PREX1: variants seen among roughly 807,000 people sequenced by gnomAD.
PREX1 encodes the protein phosphatidylinositol-3,4,5-trisphosphate dependent Rac exchange factor 1, also known as phosphatidylinositol 3,4,5-trisphosphate-dependent Rac exchanger 1 protein.
A neutral mutation model predicts 198.3 loss-of-function variants in PREX1; 41 were observed. That is an observed-to-expected ratio of 0.21 (90% CI 0.16 to 0.27). PREX1 has a LOEUF of 0.27. PREX1 is among the 10% of genes least tolerant of loss of function. The pLI, the probability that PREX1 is intolerant of heterozygous loss-of-function variation, is 1.00. For missense variants in PREX1, 1,620 were observed against 2,200.7 expected (o/e 0.74, Z 5.28); for synonymous variants, 843 against 887.2 (o/e 0.95, Z 0.89).
rs2123014471 is a variant in PREX1, at chr20:48,679,693, G to A, written c.1497C>T (p.Gly499=). The change falls in exon 12 of 40, where the codon GGC becomes GGT. Residue 499 remains glycine (G), a synonymous_variant. Coordinates refer to ENST00000371941, the MANE Select transcript of PREX1 (RefSeq NM_020820.4). ...CCAGCTCACTTCGGGCCTTGTAGGT[G>A]CCATCGTCGTAGCGGAAGCGATACA... ...QVMYRFRYDD[G]TYKARSELED... is the part of the protein sequence containing the mutation. 1.2e-6 allele frequency: 2 copies of A among 1,613,720 alleles called. No individual in the cohort carries two copies. The highest frequency in any genetic ancestry group is 1.7e-6 in the Non-Finnish European group (2 of 1,179,618).
At position 48,651,560 on chromosome 20, in the gene PREX1, G is replaced by T. The variant is rs2089498155; in HGVS notation, c.2491C>A (p.Pro831Thr). Residue 831 changes from proline to threonine, a missense_variant, in exon 22 of 40, where the codon CCC (proline) becomes ACC (threonine). Coordinates refer to ENST00000371941, the MANE Select transcript of PREX1 (RefSeq NM_020820.4). ...CTGTCCTCACACAGGCTCAGCCGGG[G>T]ACCCAGGGACAGCAGTGGGAAGGCT... is the stretch of plus-strand genomic sequence containing the variant. ...DSAFPLLSLGPRLSLCEDSPM... is the reference protein window; with the variant it reads ...DSAFPLLSLGTRLSLCEDSPM... 6.2e-7 allele frequency: 1 copy of T among 1,613,810 alleles called. No individual in the cohort carries two copies. Among genetic ancestry groups the T allele is most frequent in the Non-Finnish European group, 8.5e-7 (1 of 1,179,940 alleles).
At chr20:48,649,156 C>T (rs2089472514) in intron 25 of PREX1, 144 bp downstream of exon 25, 6 of 1,229,974 alleles carry the variant, frequency 4.9e-6, no homozygotes, top group Non-Finnish European at 6.6e-6. Flanking sequence ...AGTGGATAGA[C>T]GAAAAAGATA....
intron 1 of PREX1, among the ~76,000 whole-genome samples, chr20:48,803,096 G>A (rs2090394827): frequency 6.6e-6 from 1 of 152,224 alleles, no homozygotes; most frequent in Non-Finnish European, 1.5e-5. Flanking sequence ...AGGTAGTTCA[G>A]AGGTATAGTC....
At chr20:48,830,908 T>C (rs60019292), upstream of PREX1, among the ~76,000 whole-genome samples, 1,746 of 152,310 alleles carry the variant, frequency 0.011, 37 homozygotes, top group African/African-American at 0.04. Context: ...GATTGAGTGC[T>C]GAATCTAATA....
In PREX1 at chr20:48,684,238, C is replaced by T. The variant is rs563310260; in HGVS notation, c.1335-2903G>A. Reference sequence around the variant, plus strand: ...CATTCTGCAGTCTTCCTAAGAAAGCCGCCTGAGCTCAGGCCCAAGGTACCA... The same window carrying T: ...CATTCTGCAGTCTTCCTAAGAAAGCTGCCTGAGCTCAGGCCCAAGGTACCA... On this transcript the variant is annotated intron_variant, in intron 10 of 39. Transcript: ENST00000371941. The surrounding 1 kb of genome is among the most constrained non-coding windows in gnomAD (Gnocchi z 4.2). Among the ~76,000 whole-genome samples, 31 of 152,160 alleles carry T rather than the reference C, an allele frequency of 2.0e-4. No individual in the cohort carries two copies. The highest frequency in any genetic ancestry group is 2.9e-4 in the Non-Finnish European group (20 of 68,006).
the PREX1 span, among the ~76,000 whole-genome samples, chr20:48,834,939 T>A: frequency 6.6e-6 from 1 of 152,044 alleles, no homozygotes; most frequent in Middle Eastern, 3.4e-3. Context: ...GTCTTTTTAG[T>A]AGAGATGGGG....
At chr20:48,813,867 G>A (rs1045670449) in intron 1 of PREX1, among the ~76,000 whole-genome samples, 8 of 152,150 alleles carry the variant, frequency 5.3e-5, no homozygotes, top group South Asian at 2.1e-4. Context: ...CCATAAGAGC[G>A]CCTGTAGCTG....
At chr20:48,630,534 A>T (rs538355749) in intron 36 of PREX1, among the ~76,000 whole-genome samples, 194 bp downstream of exon 36, 1 of 152,318 alleles carries the variant, frequency 6.6e-6, no homozygotes, top group East Asian at 1.9e-4. Flanking sequence ...AGCGAAAATA[A>T]ATCATCCCAG....
chr20:48,658,170 A>G lies in PREX1; in HGVS notation c.1940T>C (p.Val647Ala). The G allele has an allele frequency of 1.2e-6, 2 of 1,614,092 alleles. No homozygotes were observed. Among genetic ancestry groups the G allele is most frequent in the Non-Finnish European group, 1.7e-6 (2 of 1,179,976 alleles). Residue 647 changes from valine to alanine, a missense_variant, in exon 17 of 40, where the codon GTG (valine) becomes GCG (alanine). Physicochemically the swap from Val to Ala is moderately conservative, Grantham distance 64. Transcript: ENST00000371941. ...CGAGCCCCTCTGGACGGACTTCACC[A>G]CCACAGCCTTGTTCTTCTCCTCGAT... ...FDIEEKNKAV[V>A]VKSVQRGSLA...
In PREX1 at chr20:48,653,378, G is replaced by A. The variant is rs371398821; in HGVS notation, c.2329C>T (p.Arg777Trp). The change falls in exon 20 of 40, where the codon CGG (arginine) becomes TGG (tryptophan). Residue 777 changes from arginine (R) to tryptophan (W), a missense_variant. Physicochemically the swap from Arg to Trp is moderately radical, Grantham distance 101 (BLOSUM62 -3). Transcript: ENST00000371941. ...VLEHFQAFRS[R>W]REEALGLYQW... ...AAACTTACCAGGGCCTCTTCGCGCC[G>A]ACTCCGGAATGCCTGGAAGTGCTCC... 7.3e-5 allele frequency: 117 copies of A among 1,613,508 alleles called. No individual in the cohort carries two copies. The highest frequency in any genetic ancestry group is 2.0e-4 in the Admixed American group (12 of 60,002).
the PREX1 span, among the ~76,000 whole-genome samples, chr20:48,865,786 G>T: frequency 6.6e-6 from 1 of 152,080 alleles, no homozygotes; most frequent in Non-Finnish European, 1.5e-5. Flanking sequence ...CGTAGGAAAT[G>T]GTCAATAAGG....
chr20:48,832,749 C>G (rs1226950786), upstream of PREX1, among the ~76,000 whole-genome samples: 1 of 152,212 alleles, frequency 6.6e-6, no homozygotes, highest in Non-Finnish European at 1.5e-5. Context: ...CTAAGGGAAG[C>G]CTTGCTGTTG....
the PREX1 span, among the ~76,000 whole-genome samples, chr20:48,866,957 C>T: frequency 1.9e-3 from 283 of 152,244 alleles, 4 homozygotes; most frequent in Middle Eastern, 6.8e-3. Flanking sequence ...GCTCTTCCTC[C>T]ATAAGAGGTT....
intron 5 of PREX1, among the ~76,000 whole-genome samples, chr20:48,723,455 G>A (rs996926408): frequency 6.6e-5 from 10 of 152,194 alleles, no homozygotes; most frequent in African/African-American, 9.7e-5. Context: ...GCCAAAGGCC[G>A]GACACACTGA....
intron 1 of PREX1, among the ~76,000 whole-genome samples, chr20:48,779,299 C>CT (rs1384994764): frequency 6.6e-6 from 1 of 152,218 alleles, no homozygotes; most frequent in Non-Finnish European, 1.5e-5. Flanking sequence ...TGGGATACCT[C>CT]TATGCTTCTA....
chr20:48,851,288 C>T, the PREX1 span, among the ~76,000 whole-genome samples: 7 of 152,256 alleles, frequency 4.6e-5, no homozygotes, highest in East Asian at 1.3e-3. Context: ...GGGCGGATCT[C>T]TTGAGGTTAG....
the PREX1 span, among the ~76,000 whole-genome samples, chr20:48,841,168 C>T: frequency 1.3e-5 from 2 of 152,180 alleles, no homozygotes; most frequent in Admixed American, 6.5e-5. Context: ...GGATCCTCCA[C>T]GCCTCAGCCT....
chr20:48,723,873 GTTAAAATA>G (rs2089998160), intron 5 of PREX1, among the ~76,000 whole-genome samples: 1 of 152,176 alleles, frequency 6.6e-6, no homozygotes, highest in African/African-American at 2.4e-5. Context: ...GACACCATGT[GTTAAAATA>G]TGTCACGGAA....
At position 48,666,707 on chromosome 20, in the gene PREX1, A is replaced by C. The variant is rs1372312751; in HGVS notation, c.1666-352T>G. ...CGCCCGGCTAATTTTTTGTATTTTT[A>C]GTAGAGACGGGGTTTCACTGTGTTA... is the stretch of plus-strand genomic sequence containing the variant. On this transcript the variant is annotated intron_variant, in intron 14 of 39. Transcript: ENST00000371941. The surrounding 1 kb of genome is among the most constrained non-coding windows in gnomAD (Gnocchi z 4.3). Among the ~76,000 whole-genome samples the C allele has an allele frequency of 6.6e-6, 1 of 151,686 alleles. No individual in the cohort carries two copies. The highest frequency in any genetic ancestry group is 2.4e-5 in the African/African-American group (1 of 41,232).
Sources: gnomAD v4.1 joint callset for allele counts (sites outside exome capture counted in the v4.1 genomes callset) on GRCh38, gnomAD v4.1.1 for gene constraint, Gnocchi (gnomAD v3.1) non-coding constraint, MANE v1.5 for transcripts, NCBI Gene and HGNC (gene_info 2026-07-23, HGNC 2026-07-21) for gene names.